The following TVP23A variants were observed in gnomAD, a reference collection of about 807,000 sequenced individuals.
TVP23A encodes Golgi apparatus membrane protein TVP23 homolog A.
TVP23A carries 21 observed loss-of-function variants against 31.7 expected under a neutral mutation model. That is an observed-to-expected ratio of 0.66 (90% confidence interval 0.47 to 0.95). The LOEUF (loss-of-function observed/expected upper bound fraction) is 0.95, where lower values mean the gene tolerates loss of function less well. Ranked by LOEUF, TVP23A falls within the 40% of genes least tolerant of loss-of-function variation. TVP23A has a pLI of 0.00. For synonymous variants in TVP23A, 104 were observed against 96.0 expected (o/e 1.08, Z -0.49); for missense variants, 279 against 255.6 (o/e 1.09, Z -0.62).
rs2032127074 is a variant in TVP23A, at chr16:10,777,592, A to C, written c.90-2496T>G. ...AGATTCAGAAGCAGACTTCACAGTG[A>C]CTTTTTTGCGTAGCAAAGCACCAAC... On this transcript the variant is annotated intron_variant, in intron 2 of 7. Coordinates refer to ENST00000299866, the MANE Select transcript of TVP23A (RefSeq NM_001079512.4). This position sits in a 1 kb window ranked among gnomAD's most constrained non-coding sequence, Gnocchi z 4.5. 7.2e-6 allele frequency among the ~76,000 whole-genome samples: 1 copy of C among 138,918 alleles called. No individual in the cohort carries two copies. Among genetic ancestry groups the C allele is most frequent in the Admixed American group, 7.2e-5 (1 of 13,936 alleles). The allele number at this position is 138,918 out of a possible 152,430, so 91.1% of individuals were successfully genotyped here.
downstream of TVP23A, among the ~76,000 whole-genome samples, chr16:10,760,680 T>G (rs2142742384): frequency 6.6e-6 from 1 of 152,220 alleles, no homozygotes; most frequent in East Asian, 1.9e-4. Context: ...AAGGCTGCAG[T>G]GAGCAATGAT....
chr16:10,817,959 C>T lies in TVP23A; in HGVS notation c.89+144G>A, dbSNP rs1052924766. Reference sequence around the variant, plus strand: ...AATGCAGGCTCCAGGAGGGCAGGGACTTTGTCTGATGTGTCCACAGATATG... The same window carrying T: ...AATGCAGGCTCCAGGAGGGCAGGGATTTTGTCTGATGTGTCCACAGATATG... On this transcript the variant is annotated intron_variant, in intron 2 of 7. Transcript: ENST00000299866. 3.1e-5 allele frequency: 22 copies of T among 711,778 alleles called. No homozygotes were observed. The African/African-American group carries it at 3.8e-4, about 12-fold the overall frequency. 44.1% of individuals were successfully genotyped at this position (711,778 alleles called of 1,614,324 possible). A position where few individuals can be genotyped will look rare whatever the true frequency, so the allele number is the denominator to read the frequency against.
chr16:10,781,662 T>A (rs1401728520), intron 2 of TVP23A, among the ~76,000 whole-genome samples: 1 of 151,884 alleles, frequency 6.6e-6, no homozygotes, highest in African/African-American at 2.4e-5. Context: ...TCTACCCGGG[T>A]TCAGCAAACT....
rs757834340 is a variant in TVP23A at position 10,818,517 on chromosome 16, C to T, written c.-24G>A. On this transcript the variant is annotated 5_prime_UTR_variant, in exon 1 of 8. Transcript: ENST00000299866. This position sits in a 1 kb window ranked among gnomAD's most constrained non-coding sequence, Gnocchi z 4.7. ...ATCACCCTCCCAGGAGCCCACCTGG[C>T]GCCCAGGCCCGGGGCTCCAGCTCCG... 6.2e-6 allele frequency: 10 copies of T among 1,600,566 alleles called. No homozygotes were observed. The African/African-American group carries it at 8.0e-5, about 13-fold the overall frequency.
In TVP23A at chr16:10,771,788, A is replaced by G. The variant is rs1216632819; in HGVS notation, c.464T>C (p.Val155Ala). 1.7e-5 allele frequency: 27 copies of G among 1,576,398 alleles called. No individual in the cohort carries two copies. The highest frequency in any genetic ancestry group is 2.2e-5 in the Non-Finnish European group (25 of 1,160,650). The stretch of plus-strand genomic sequence containing the variant: ...TGCAGCTTGGAGAGAGATCCCAGCA[A>G]CCACCAGAGCCTGCACTCAGACAAA... ...SLKLKWLALV[V>A]AGISLQAANL... Residue 155 changes from valine to alanine, a missense_variant, in exon 6 of 8, where the codon GTT becomes GCT. Transcript: ENST00000299866.
downstream of TVP23A, among the ~76,000 whole-genome samples, chr16:10,762,748 C>T (rs955775587): frequency 4.7e-5 from 7 of 149,504 alleles, no homozygotes; most frequent in Non-Finnish European, 9.0e-5. Flanking sequence ...GTGTCTGTGC[C>T]GGGACAGGAG....
chr16:10,760,340 C>T (rs1900858100), downstream of TVP23A, among the ~76,000 whole-genome samples: 2 of 152,226 alleles, frequency 1.3e-5, no homozygotes, highest in Admixed American at 1.3e-4. Context: ...TTTATAAAAC[C>T]AGCCAGATTC....
chr16:10,786,262 A>G (rs1314743241), intron 2 of TVP23A, among the ~76,000 whole-genome samples: 2 of 152,106 alleles, frequency 1.3e-5, no homozygotes, highest in Non-Finnish European at 2.9e-5. Context: ...TTCGGCAGTG[A>G]TCTAACAATG....
chr16:10,816,535 T>C (rs1373912058), intron 2 of TVP23A, among the ~76,000 whole-genome samples: 2 of 152,134 alleles, frequency 1.3e-5, no homozygotes, highest in Admixed American at 1.3e-4. Context: ...GGTTTCACCA[T>C]GTTGGCCAGG....
intron 5 of TVP23A, among the ~76,000 whole-genome samples, chr16:10,772,788 G>GGCT (rs1055441066): frequency 7.6e-4 from 83 of 109,904 alleles, no homozygotes; most frequent in Admixed American, 1.8e-3. Context: ...AAGGGCGCAA[G>GGCT]GCTTCTTCCG....
chr16:10,761,399 C>T, exon 9 of TVP23A: 1 of 1,614,150 alleles, frequency 6.2e-7, no homozygotes, highest in Non-Finnish European at 8.5e-7. Context: ...AAGAAATCAA[C>T]TTCTGCCGCA....
intron 2 of TVP23A, among the ~76,000 whole-genome samples, chr16:10,795,464 T>C (rs935466046): frequency 1.3e-5 from 2 of 152,084 alleles, no homozygotes; most frequent in African/African-American, 4.8e-5. Flanking sequence ...TTGGCCAGGC[T>C]AGTCTCGAAC....
chr16:10,787,704 C>G (rs141938143), intron 2 of TVP23A, among the ~76,000 whole-genome samples: 43 of 152,140 alleles, frequency 2.8e-4, no homozygotes, highest in African/African-American at 9.4e-4. Flanking sequence ...AAGCCCCTCT[C>G]TCTCACAGGA....
In TVP23A at chr16:10,768,022, T is replaced by TATA; in HGVS notation, c.*1077_*1079dup. 1 of 1,613,928 alleles carries TATA rather than the reference T, an allele frequency of 6.2e-7. No homozygotes were observed. The highest frequency in any genetic ancestry group is 8.5e-7 in the Non-Finnish European group (1 of 1,179,932). On this transcript the variant is annotated 3_prime_UTR_variant, in exon 8 of 8. Coordinates refer to ENST00000299866, the MANE Select transcript of TVP23A (RefSeq NM_001079512.4). This position sits in a 1 kb window ranked among gnomAD's most constrained non-coding sequence, Gnocchi z 4.3. The stretch of plus-strand genomic sequence containing the variant: ...CCCCAGCCACGTTAGCCTACAGAAG[T>TATA]ATAATTCAGAGTAAGTATTTCCATG...
At chr16:10,764,168 C>A (rs1005598946), downstream of TVP23A, among the ~76,000 whole-genome samples, 2 of 152,190 alleles carry the variant, frequency 1.3e-5, no homozygotes, top group African/African-American at 4.8e-5. Context: ...ACAGGAGTAT[C>A]TCAGCCCACG....
chr16:10,810,419 T>C (rs1437967202), intron 2 of TVP23A, among the ~76,000 whole-genome samples: 1 of 151,670 alleles, frequency 6.6e-6, no homozygotes, highest in Non-Finnish European at 1.5e-5. Flanking sequence ...TGGTGGTGCA[T>C]GCCTGTAGTC....
rs113234572 is a variant in TVP23A, at chr16:10,792,332, G to A, written c.90-17236C>T. Reference sequence around the variant, plus strand: ...AGTGGCATGCCACCATGAAGATGCTGGGTTCAAGGAACCCCCAGGTGCCAG... The same window carrying A: ...AGTGGCATGCCACCATGAAGATGCTAGGTTCAAGGAACCCCCAGGTGCCAG... On this transcript the variant is annotated intron_variant, in intron 2 of 7. Transcript: ENST00000299866. Among the ~76,000 whole-genome samples the A allele has an allele frequency of 4.5e-3, 683 of 152,282 alleles. 6 individuals carry two copies. The highest frequency in any genetic ancestry group is 0.016 in the African/African-American group (653 of 41,578).
At chr16:10,761,787 G>A (rs267604406), downstream of TVP23A, 12 of 1,613,570 alleles carry the variant, frequency 7.4e-6, no homozygotes, top group East Asian at 4.5e-5. Flanking sequence ...TCCCACAACC[G>A]GGGGCGCGGA....
At chr16:10,804,461 C>T (rs941996249) in intron 2 of TVP23A, among the ~76,000 whole-genome samples, 7 of 152,260 alleles carry the variant, frequency 4.6e-5, no homozygotes, top group African/African-American at 1.4e-4. Context: ...CAAAAGAAGC[C>T]AGCAGGCCGG....
Sources: allele counts gnomAD v4.1 joint callset (sites outside exome capture counted in the v4.1 genomes callset), GRCh38; gene constraint gnomAD v4.1.1; non-coding constraint Gnocchi (gnomAD v3.1); transcripts MANE v1.5; gene names NCBI Gene and HGNC (gene_info 2026-07-23, HGNC 2026-07-21).